The following CSMD1 variants were observed in gnomAD, a reference collection of about 807,000 sequenced individuals.
The protein encoded by CSMD1 is CUB and sushi domain-containing protein 1.
In CSMD1, 213 loss-of-function variants were observed where a neutral mutation model predicts 417.5. That is an observed-to-expected ratio of 0.51 (90% CI 0.46 to 0.57). CSMD1 has a LOEUF of 0.57. Ranked by LOEUF, CSMD1 falls within the 20% of genes least tolerant of loss-of-function variation. The pLI, the probability that CSMD1 is intolerant of heterozygous loss-of-function variation, is 0.00. For missense variants in CSMD1, 6,923 were observed against 4,529.7 expected (o/e 1.53, Z -15.17); for synonymous variants, 2,862 against 1,736.8 (o/e 1.65, Z -16.11).
rs556434691 is a variant in CSMD1 at position 4,443,237 on chromosome 8, A to C, written c.303-23172T>G. Among the ~76,000 whole-genome samples, 11 of 152,328 alleles carry C rather than the reference A, an allele frequency of 7.2e-5. No homozygotes were observed. The East Asian group carries it at 1.9e-3, about 27-fold the overall frequency. On this transcript the variant is annotated intron_variant, in intron 2 of 69. Coordinates refer to ENST00000635120, the MANE Select transcript of CSMD1 (RefSeq NM_033225.6). The stretch of plus-strand genomic sequence containing the variant: ...TTTTTATTTGTAATTAATGTGTTTT[A>C]AGATGGATAATGTCAAATCATCAGC...
At chr8:4,644,861 G>C (rs76182586) in intron 1 of CSMD1, among the ~76,000 whole-genome samples, 4,164 of 152,304 alleles carry the variant, frequency 0.027, 164 homozygotes, top group East Asian at 0.094. Context: ...TTCTAGAATA[G>C]TGCCTGCTAG....
chr8:3,102,721 T>C (rs1053904128), intron 46 of CSMD1, among the ~76,000 whole-genome samples: 21 of 152,278 alleles, frequency 1.4e-4, no homozygotes, highest in African/African-American at 4.8e-4. Flanking sequence ...TATTAAAAGC[T>C]GAAAGAGCCA....
At chr8:3,705,245 G>A (rs976545090) in intron 7 of CSMD1, among the ~76,000 whole-genome samples, 1 of 152,192 alleles carries the variant, frequency 6.6e-6, no homozygotes, top group Non-Finnish European at 1.5e-5. Context: ...GAAATCCAGA[G>A]GGACATGAAC....
chr8:3,966,707 C>T (rs996887623), intron 5 of CSMD1, among the ~76,000 whole-genome samples: 3 of 150,572 alleles, frequency 2.0e-5, no homozygotes, highest in Non-Finnish European at 4.4e-5. Context: ...CCATGCCTGG[C>T]AGGCTGCAGG....
chr8:4,335,210 C>A, intron 3 of CSMD1, among the ~76,000 whole-genome samples: 1 of 152,126 alleles, frequency 6.6e-6, no homozygotes, highest in East Asian at 1.9e-4. Flanking sequence ...GGCCTGGGCT[C>A]TCTTTTCTAT....
At chr8:3,501,112 T>C (rs1231672108) in intron 10 of CSMD1, among the ~76,000 whole-genome samples, 1 of 152,222 alleles carries the variant, frequency 6.6e-6, no homozygotes. Flanking sequence ...TTCAATTTAC[T>C]GAAAAAAATT....
intron 12 of CSMD1, among the ~76,000 whole-genome samples, chr8:3,425,676 T>C (rs1300058614): frequency 6.6e-6 from 1 of 151,832 alleles, no homozygotes; most frequent in Non-Finnish European, 1.5e-5. Context: ...TTTTCATTAC[T>C]CTTCTGTTGT....
chr8:4,144,838 T>C (rs1014857510), intron 3 of CSMD1, among the ~76,000 whole-genome samples: 2 of 150,916 alleles, frequency 1.3e-5, no homozygotes, highest in South Asian at 2.1e-4. Flanking sequence ...TCATTCACAA[T>C]GCAGGGAACC....
At chr8:4,462,886 C>A (rs1799923788) in intron 2 of CSMD1, among the ~76,000 whole-genome samples, 1 of 152,002 alleles carries the variant, frequency 6.6e-6, no homozygotes, top group Admixed American at 6.5e-5. Context: ...AGGAGTAAAT[C>A]TTTGTAACCT....
At chr8:4,876,708 T>A (rs77490828) in intron 1 of CSMD1, among the ~76,000 whole-genome samples, 1 of 152,090 alleles carries the variant, frequency 6.6e-6, no homozygotes, top group Non-Finnish European at 1.5e-5. Flanking sequence ...TGCTAATTTC[T>A]AAGACAATAT....
At chr8:4,641,350 G>A (rs1395363983) in intron 1 of CSMD1, among the ~76,000 whole-genome samples, 1 of 152,038 alleles carries the variant, frequency 6.6e-6, no homozygotes, top group Non-Finnish European at 1.5e-5. Flanking sequence ...AGATATAGAA[G>A]AATCAGAGAG....
chr8:3,615,316 A>G (rs1217198497), intron 8 of CSMD1, among the ~76,000 whole-genome samples: 5 of 152,176 alleles, frequency 3.3e-5, no homozygotes, highest in African/African-American at 1.2e-4. Context: ...AACAGACTGA[A>G]GTGAGTCTCC....
At chr8:4,286,460 A>T (rs1479271662) in intron 3 of CSMD1, among the ~76,000 whole-genome samples, 2 of 152,156 alleles carry the variant, frequency 1.3e-5, no homozygotes, top group Non-Finnish European at 2.9e-5. Context: ...AATATGAATT[A>T]CCCATTGTGC....
chr8:4,580,522 G>A (rs1789941649), intron 2 of CSMD1, among the ~76,000 whole-genome samples: 1 of 152,150 alleles, frequency 6.6e-6, no homozygotes, highest in South Asian at 2.1e-4. Flanking sequence ...GGCTCGGGCC[G>A]TCGGGTTCCC....
chr8:3,343,053 C>T (rs17080060), intron 23 of CSMD1, among the ~76,000 whole-genome samples: 24,680 of 151,976 alleles, frequency 0.16, 2,051 homozygotes, highest in Middle Eastern at 0.24. Context: ...TGTTGTAAGA[C>T]GTTTCCTTTT....
intron 1 of CSMD1, among the ~76,000 whole-genome samples, chr8:4,651,722 C>T (rs1803909349): frequency 6.6e-6 from 1 of 152,132 alleles, no homozygotes; most frequent in Non-Finnish European, 1.5e-5. Context: ...CACTCTAATT[C>T]ACACGTCTTT....
intron 3 of CSMD1, among the ~76,000 whole-genome samples, chr8:4,297,854 G>A (rs1181325249): frequency 1.3e-5 from 2 of 152,126 alleles, no homozygotes; most frequent in Non-Finnish European, 2.9e-5. Flanking sequence ...AAACATTGCT[G>A]GTGGTCCTGC....
At chr8:4,349,425 T>C (rs894914793) in intron 3 of CSMD1, among the ~76,000 whole-genome samples, 16 of 152,200 alleles carry the variant, frequency 1.1e-4, no homozygotes, top group Non-Finnish European at 2.2e-4. Flanking sequence ...ACTTTAATGA[T>C]AGAGAAAAGT....
At chr8:4,588,072 T>C (rs1395909608) in intron 2 of CSMD1, among the ~76,000 whole-genome samples, 1 of 152,178 alleles carries the variant, frequency 6.6e-6, no homozygotes, top group East Asian at 1.9e-4. Context: ...CAAAATCTAA[T>C]ACATGTTCAG....
Sources: allele counts gnomAD v4.1 joint callset (sites outside exome capture counted in the v4.1 genomes callset), GRCh38; gene constraint gnomAD v4.1.1; transcripts MANE v1.5; gene names NCBI Gene and HGNC (gene_info 2026-07-23, HGNC 2026-07-21).